Variants in PRDM15 observed in about 807,000 individuals in gnomAD.
PRDM15 encodes the protein PR domain zinc finger protein 15.
A neutral mutation model predicts 128.6 loss-of-function variants in PRDM15; 64 were observed. The observed-to-expected ratio is 0.50, with a 90% CI of 0.41 to 0.61. The LOEUF (loss-of-function observed/expected upper bound fraction) is 0.61. PRDM15 is among the 20% of genes least tolerant of loss of function. The probability of loss-of-function intolerance (pLI) is 0.00; values close to 1 mark genes in which losing one functional copy is unlikely to be tolerated. For synonymous variants in PRDM15, 615 were observed against 621.8 expected (o/e 0.99, Z 0.16); for missense variants, 1,242 against 1,569.1 (o/e 0.79, Z 3.52).
chr21:41,825,878 T>C, intron 13 of PRDM15, 82 bp downstream of exon 13: 2 of 1,115,916 alleles, frequency 1.8e-6, no homozygotes, highest in Non-Finnish European at 2.7e-6. Context: ...TGCAATATTC[T>C]ATAAGTACAG....
At chr21:41,853,098 G>A (rs533329736) in intron 5 of PRDM15, among the ~76,000 whole-genome samples, 2 of 152,338 alleles carry the variant, frequency 1.3e-5, no homozygotes, top group East Asian at 1.9e-4. Flanking sequence ...CACCCTGACC[G>A]TGGGCGTGTG....
chr21:41,806,951 CCACCACCATCAT>C (rs1388996135), intron 21 of PRDM15, among the ~76,000 whole-genome samples: 4 of 135,470 alleles, frequency 3.0e-5, no homozygotes, highest in Middle Eastern at 4.0e-3. Flanking sequence ...ACCACCATCT[CCACCACCATCAT>C]CACCACCATC....
intron 1 of PRDM15, chr21:41,870,711 C>T (rs2064179310): frequency 6.6e-6 from 1 of 152,142 alleles, no homozygotes; most frequent in African/African-American, 2.4e-5. Flanking sequence ...CAGCAGGTGC[C>T]CGAATTTATT....
rs1323250384 is a variant in PRDM15, at chr21:41,879,077, G to GC, written c.-10+192dup. On this transcript the variant is annotated intron_variant, in intron 1 of 23. Coordinates refer to ENST00000398548, the MANE Select transcript of PRDM15 (RefSeq NM_001040424.3). This position sits in a 1 kb window ranked among gnomAD's most constrained non-coding sequence, Gnocchi z 5.1. Reference sequence around the variant, plus strand: ...GGTTTTGACTCCGATCGCCAACGGTGCCCGCAGCCGGCGAATGTAACAAAG... The same window carrying GC: ...GGTTTTGACTCCGATCGCCAACGGTGCCCCGCAGCCGGCGAATGTAACAAAG... 6 of 1,131,954 alleles carry GC rather than the reference G, an allele frequency of 5.3e-6. No homozygotes were observed. In the East Asian group the frequency reaches 4.9e-4, roughly 92 times the overall value. The allele number at this position is 1,131,954 out of a possible 1,614,324, so 70.1% of individuals were successfully genotyped here.
chr21:41,854,671 A>G lies in PRDM15; in HGVS notation c.433T>C (p.Ser145Pro). The G allele has an allele frequency of 6.2e-7, 1 of 1,613,696 alleles. No individual in the cohort carries two copies. The highest frequency in any genetic ancestry group is 8.5e-7 in the Non-Finnish European group (1 of 1,179,994). The change falls in exon 5 of 24, where the codon TCC becomes CCC. Residue 145 changes from serine (S) to proline (P), a missense_variant. Ser to Pro is a moderately conservative substitution (Grantham distance 74, BLOSUM62 -1). Around this residue, in one of 3 missense-constraint regions of PRDM15, gnomAD observed 612 missense variants for 717.0 expected, o/e 0.85. Coordinates refer to ENST00000398548, the MANE Select transcript of PRDM15 (RefSeq NM_001040424.3). The surrounding 1 kb of genome is among the most constrained non-coding windows in gnomAD (Gnocchi z 4.6). ...TCGGTACCCGGGGGGATGTCTCTGG[A>G]GGTGGTGAAGTACACGTCGCTGCCG... is the stretch of plus-strand genomic sequence containing the variant. ...QHGSDVYFTT[S>P]RDIPPGTELR...
chr21:41,858,693 C>T (rs2063716904), intron 3 of PRDM15, among the ~76,000 whole-genome samples: 1 of 152,076 alleles, frequency 6.6e-6, no homozygotes, highest in Admixed American at 6.5e-5. Flanking sequence ...GGTCTGACTG[C>T]AGGACCAAGG....
chr21:41,875,412 AT>A (rs913000253), intron 1 of PRDM15, among the ~76,000 whole-genome samples: 52 of 152,312 alleles, frequency 3.4e-4, no homozygotes, highest in African/African-American at 1.2e-3. Flanking sequence ...CCATGAAAAT[AT>A]TTCCTAAAAT....
At chr21:41,851,903 A>G (rs952735461) in intron 5 of PRDM15, among the ~76,000 whole-genome samples, 2 of 152,214 alleles carry the variant, frequency 1.3e-5, no homozygotes, top group Admixed American at 6.5e-5. Flanking sequence ...TATTTCCCCA[A>G]TTAAAAACCT....
chr21:41,818,450 C>T lies in PRDM15; in HGVS notation c.2260+1132G>A, dbSNP rs1006338274. On this transcript the variant is annotated intron_variant, in intron 18 of 23. Coordinates refer to ENST00000398548, the MANE Select transcript of PRDM15 (RefSeq NM_001040424.3). ...AAAATATGTCTTGGCGAGGTGCATGCGCTGCTTTTTTAATAACCACCCATG... is the reference window on the plus strand; with the variant it reads ...AAAATATGTCTTGGCGAGGTGCATGTGCTGCTTTTTTAATAACCACCCATG... Among the ~76,000 whole-genome samples, 11 of 109,422 alleles carry T rather than the reference C, an allele frequency of 1.0e-4. 2 individuals carry two copies. The highest frequency in any genetic ancestry group is 2.9e-4 in the Admixed American group (3 of 10,366). 71.8% of individuals were successfully genotyped at this position (109,422 alleles called of 152,430 possible).
chr21:41,815,918 C>A, intron 18 of PRDM15, 82 bp from the exon 19 acceptor site: 2 of 1,570,576 alleles, frequency 1.3e-6, no homozygotes, highest in Non-Finnish European at 8.6e-7. Flanking sequence ...CTGGGGCAGG[C>A]ACAGGCAGCG....
At chr21:41,863,661 C>T (rs540567486) in intron 1 of PRDM15, among the ~76,000 whole-genome samples, 7 of 152,110 alleles carry the variant, frequency 4.6e-5, no homozygotes, top group African/African-American at 1.2e-4. Flanking sequence ...CGGAACGCTC[C>T]GTGAAGACAC....
At chr21:41,847,213 A>G (rs776821539) in intron 5 of PRDM15, 22 bp from the exon 6 acceptor site, 70 of 1,504,728 alleles carry the variant, frequency 4.7e-5, no homozygotes, top group Non-Finnish European at 6.2e-5. Flanking sequence ...ATGAGAGGAG[A>G]AAAAGGTGAC....
chr21:41,869,670 T>C (rs2064143629), intron 1 of PRDM15, among the ~76,000 whole-genome samples: 1 of 152,158 alleles, frequency 6.6e-6, no homozygotes, highest in South Asian at 2.1e-4. Flanking sequence ...GGTCTTGAAC[T>C]CCTAGGCTCA....
At chr21:41,813,059 CA>C (rs1248684101) in intron 19 of PRDM15, 2 of 152,358 alleles carry the variant, frequency 1.3e-5, no homozygotes, top group African/African-American at 2.4e-5. Flanking sequence ...TCTGGGGGGT[CA>C]GGGGCAAGCA....
Position 41,821,582 on chromosome 21 carries a change from C to T in PRDM15, c.1896+321G>A, listed in dbSNP as rs28546531. Among the ~76,000 whole-genome samples the T allele has an allele frequency of 0.62, 94,429 of 151,982 alleles. 29,507 individuals are homozygous for T. Among genetic ancestry groups the T allele is most frequent in the Admixed American group, 0.68 (10,346 of 15,278 alleles). On this transcript the variant is annotated intron_variant, in intron 15 of 23. Coordinates refer to ENST00000398548, the MANE Select transcript of PRDM15 (RefSeq NM_001040424.3). This position sits in a 1 kb window ranked among gnomAD's most constrained non-coding sequence, Gnocchi z 5.4. Reference sequence around the variant, plus strand: ...GGGAGGAGAGAGGCGCCCCAGCCTGCAGCCAGCACAGCCACCTTCTAGGAG... The same window carrying T: ...GGGAGGAGAGAGGCGCCCCAGCCTGTAGCCAGCACAGCCACCTTCTAGGAG...
intron 22 of PRDM15, 71 bp downstream of exon 22, chr21:41,804,463 C>T (rs929238030): frequency 1.6e-6 from 2 of 1,222,358 alleles, no homozygotes; most frequent in Non-Finnish European, 2.4e-6. Flanking sequence ...CTGTCCAAGC[C>T]CCTCTGGTCC....
chr21:41,833,322 C>G (rs2062759780), intron 11 of PRDM15, among the ~76,000 whole-genome samples: 1 of 152,142 alleles, frequency 6.6e-6, no homozygotes. Flanking sequence ...TAAAACTGCC[C>G]CCCACACCCC....
chr21:41,835,966 C>CGGTTTGG (rs2062869780), intron 10 of PRDM15, 147 bp downstream of exon 10: 3 of 310,870 alleles, frequency 9.7e-6, no homozygotes, highest in East Asian at 6.8e-5. Context: ...CCCCACAGCC[C>CGGTTTGG]CCGCCCACTC....
At chr21:41,871,098 C>T (rs1386872848) in intron 1 of PRDM15, among the ~76,000 whole-genome samples, 3 of 152,338 alleles carry the variant, frequency 2.0e-5, no homozygotes, top group South Asian at 2.1e-4. Flanking sequence ...AACACAGATA[C>T]AGATGGGTAG....
Sources: gnomAD v4.1 joint callset for allele counts (sites outside exome capture counted in the v4.1 genomes callset) on GRCh38, gnomAD v4.1.1 for gene constraint, gnomAD v4.1.1 regional missense constraint, Gnocchi (gnomAD v3.1) non-coding constraint, MANE v1.5 for transcripts, NCBI Gene and HGNC (gene_info 2026-07-23, HGNC 2026-07-21) for gene names.